CSMD1: variants seen among roughly 807,000 people sequenced by gnomAD.
CSMD1 encodes CUB and sushi domain-containing protein 1.
CSMD1 carries 213 observed loss-of-function variants against 417.5 expected under a neutral mutation model. The ratio of observed to expected loss-of-function variants is 0.51; its 90% confidence interval spans 0.46 to 0.57. The LOEUF (loss-of-function observed/expected upper bound fraction) is 0.57. Among genes scored for constraint, CSMD1 ranks in the 20% least tolerant of loss-of-function variants. The pLI, the probability that CSMD1 is intolerant of heterozygous loss-of-function variation, is 0.00. For missense variants in CSMD1, 6,923 were observed against 4,529.7 expected, an observed-to-expected ratio of 1.53 and a Z score of -15.17; for synonymous variants, 2,862 against 1,736.8, an observed-to-expected ratio of 1.65 and a Z score of -16.11.
intron 3 of CSMD1, among the ~76,000 whole-genome samples, chr8:4,148,334 G>A (rs1371041463): frequency 2.2e-5 from 3 of 136,680 alleles, no homozygotes; most frequent in Non-Finnish European, 4.7e-5. Context: ...CACATAGACA[G>A]AGGAAGGGAA....
chr8:4,912,950 T>A (rs1186184020), intron 1 of CSMD1, among the ~76,000 whole-genome samples: 4 of 152,110 alleles, frequency 2.6e-5, no homozygotes, highest in Non-Finnish European at 5.9e-5. Context: ...CTCACCCAGC[T>A]AATTTGTTTT....
chr8:4,289,618 G>A (rs1484696714), intron 3 of CSMD1, among the ~76,000 whole-genome samples: 3 of 152,182 alleles, frequency 2.0e-5, no homozygotes, highest in Admixed American at 6.5e-5. Flanking sequence ...GGATGATGGT[G>A]GGGATCTGCT....
chr8:3,403,780 T>C (rs1812181248), intron 15 of CSMD1, among the ~76,000 whole-genome samples: 1 of 152,186 alleles, frequency 6.6e-6, no homozygotes, highest in African/African-American at 2.4e-5. Flanking sequence ...TGCCCTATCA[T>C]TAGTATCATA....
chr8:3,322,645 G>C (rs1170553788), intron 23 of CSMD1, among the ~76,000 whole-genome samples: 1 of 152,104 alleles, frequency 6.6e-6, no homozygotes, highest in East Asian at 1.9e-4. Context: ...GGACGCCCCT[G>C]GTCACCTGGC....
rs900738337 is a variant in CSMD1, at chr8:3,570,519, G to A, written c.1344+4426C>T. ...GGAACTAAAGCCTCAGGTGGTTGCA[G>A]ACGTCTTGAGAACTGAGGGGAAATA... On this transcript the variant is annotated intron_variant, in intron 10 of 69. Transcript: ENST00000635120. Among the ~76,000 whole-genome samples, 15 of 151,706 alleles carry A rather than the reference G, an allele frequency of 9.9e-5. No homozygotes were observed. In the East Asian group the frequency reaches 2.5e-3, roughly 26 times the overall value.
At chr8:3,040,914 T>G (rs11986928) in intron 50 of CSMD1, among the ~76,000 whole-genome samples, 10,122 of 152,270 alleles carry the variant, frequency 0.066, 1,099 homozygotes, top group African/African-American at 0.23. Context: ...TAATGGAAAT[T>G]GTTTGCAGCA....
intron 3 of CSMD1, among the ~76,000 whole-genome samples, chr8:4,324,436 C>G (rs1441780999): frequency 6.6e-6 from 1 of 152,184 alleles, no homozygotes; most frequent in Non-Finnish European, 1.5e-5. Context: ...GAAGCCTAGC[C>G]TTTGTCAGTG....
At chr8:4,174,051 G>C (rs976869084) in intron 3 of CSMD1, among the ~76,000 whole-genome samples, 4 of 152,142 alleles carry the variant, frequency 2.6e-5, no homozygotes, top group Non-Finnish European at 4.4e-5. Context: ...ATTGGTTTAG[G>C]CCTGGGCCAC....
chr8:4,414,122 G>C (rs1381644470), intron 3 of CSMD1, among the ~76,000 whole-genome samples: 1 of 152,258 alleles, frequency 6.6e-6, no homozygotes, highest in East Asian at 1.9e-4. Flanking sequence ...CTTCAAGGGA[G>C]AAATAAATCA....
chr8:3,882,495 ACTCT>A (rs143381846), intron 5 of CSMD1, among the ~76,000 whole-genome samples: 87 of 152,100 alleles, frequency 5.7e-4, no homozygotes, highest in African/African-American at 2.0e-3. Context: ...AAACTATTAG[ACTCT>A]CTCTGCCTCG....
At chr8:3,443,397 GA>G (rs1164747101) in intron 12 of CSMD1, among the ~76,000 whole-genome samples, 2 of 151,970 alleles carry the variant, frequency 1.3e-5, no homozygotes, top group African/African-American at 4.8e-5. Flanking sequence ...TCATTAGATA[GA>G]AAAAAAATAG....
intron 25 of CSMD1, among the ~76,000 whole-genome samples, chr8:3,291,982 C>G (rs540467824): frequency 6.6e-6 from 1 of 151,842 alleles, no homozygotes; most frequent in South Asian, 2.1e-4. Context: ...AAATTTTCCT[C>G]TACACACTGC....
chr8:3,350,981 T>C (rs1008705228), intron 21 of CSMD1, among the ~76,000 whole-genome samples: 3 of 152,234 alleles, frequency 2.0e-5, no homozygotes, highest in African/African-American at 7.2e-5. Flanking sequence ...ACAATGCTGC[T>C]GCTTTGCCTT....
chr8:3,639,721 C>G (rs543791113), intron 7 of CSMD1, among the ~76,000 whole-genome samples: 1 of 152,168 alleles, frequency 6.6e-6, no homozygotes, highest in Non-Finnish European at 1.5e-5. Flanking sequence ...TTTGATTTCT[C>G]AATGATTTTT....
intron 3 of CSMD1, among the ~76,000 whole-genome samples, chr8:4,063,918 A>G (rs1563074470): frequency 6.6e-6 from 1 of 152,182 alleles, no homozygotes; most frequent in Non-Finnish European, 1.5e-5. Flanking sequence ...TGTAGGTGAT[A>G]AATCATCTTT....
chr8:3,544,067 A>C (rs1798554702), intron 10 of CSMD1, among the ~76,000 whole-genome samples: 1 of 151,206 alleles, frequency 6.6e-6, no homozygotes, highest in African/African-American at 2.4e-5. Flanking sequence ...CCACAGGCCA[A>C]GGTGTGAGAG....
In CSMD1 at chr8:3,691,727, G is replaced by T. The variant is rs556055951; in HGVS notation, c.1009+16687C>A. ...AAAACCCTATAAGGTAAATATTATC[G>T]CTATTTTAGAATTTGAGAAAATGAG... On this transcript the variant is annotated intron_variant, in intron 7 of 69. Transcript: ENST00000635120. Among the ~76,000 whole-genome samples, 10 of 151,942 alleles carry T rather than the reference G, an allele frequency of 6.6e-5. No individual in the cohort carries two copies. The South Asian group carries it at 2.1e-3, about 32-fold the overall frequency.
intron 11 of CSMD1, among the ~76,000 whole-genome samples, chr8:3,485,627 G>A (rs1817985485): frequency 6.6e-6 from 1 of 151,902 alleles, no homozygotes; most frequent in Admixed American, 6.6e-5. Context: ...GGGTGTGGTG[G>A]CGCATGCTGG....
chr8:2,989,873 C>A (rs1309215180), intron 54 of CSMD1, among the ~76,000 whole-genome samples: 1 of 152,158 alleles, frequency 6.6e-6, no homozygotes, highest in East Asian at 1.9e-4. Flanking sequence ...TCCTAGCTAG[C>A]AAACTCCTCT....
Sources: gnomAD v4.1 joint callset for allele counts (sites outside exome capture counted in the v4.1 genomes callset) on GRCh38, gnomAD v4.1.1 for gene constraint, MANE v1.5 for transcripts, NCBI Gene and HGNC (gene_info 2026-07-23, HGNC 2026-07-21) for gene names.